The following PAX5 variants were observed in gnomAD, a reference collection of about 807,000 sequenced individuals.
The protein encoded by PAX5 is paired box protein Pax-5.
In PAX5, 9 loss-of-function variants were observed where a neutral mutation model predicts 43.7. The ratio of observed to expected loss-of-function variants is 0.21; its 90% CI spans 0.12 to 0.36. The LOEUF (loss-of-function observed/expected upper bound fraction) is 0.36. Ranked by LOEUF, PAX5 falls within the 10% of genes least tolerant of loss-of-function variation. The probability of loss-of-function intolerance (pLI) is 1.00; values close to 1 mark genes in which losing one functional copy is unlikely to be tolerated. For missense variants in PAX5, 383 were observed against 532.7 expected (o/e 0.72, Z 2.77); for synonymous variants, 228 against 214.3 (o/e 1.06, Z -0.56).
intron 5 of PAX5, among the ~76,000 whole-genome samples, chr9:36,989,834 C>G (rs1178634484): frequency 6.6e-6 from 1 of 152,192 alleles, no homozygotes; most frequent in South Asian, 2.1e-4. Flanking sequence ...GGCCCCCATT[C>G]GGTACATATT....
intron 2 of PAX5, among the ~76,000 whole-genome samples, chr9:37,020,284 T>C (rs953982193): frequency 2.6e-5 from 4 of 152,118 alleles, no homozygotes; most frequent in Non-Finnish European, 5.9e-5. Flanking sequence ...AAATGAAACA[T>C]TGAACTCTGG....
At chr9:36,869,204 C>T (rs553203441) in intron 8 of PAX5, among the ~76,000 whole-genome samples, 15 of 152,224 alleles carry the variant, frequency 9.9e-5, no homozygotes, top group African/African-American at 3.4e-4. Flanking sequence ...CCCAGCAAGC[C>T]GAAGGGAGTC....
chr9:37,015,259 T>G lies in PAX5; in HGVS notation c.213-65A>C. The G allele has an allele frequency of 1.4e-6, 2 of 1,425,624 alleles. No individual in the cohort carries two copies. The highest frequency in any genetic ancestry group is 1.2e-5 in the South Asian group (1 of 86,038). 88.3% of individuals were successfully genotyped at this position (1,425,624 alleles called of 1,614,324 possible). A position where few individuals can be genotyped will look rare whatever the true frequency, so the allele number is the denominator to read the frequency against. ...AGTAAAGTGGATATTGGCAACAAAA[T>G]AACGGGCTACTCTGGCCAGGAAACG... On this transcript the variant is annotated intron_variant, in intron 2 of 9. Transcript: ENST00000358127. This position sits in a 1 kb window ranked among gnomAD's most constrained non-coding sequence, Gnocchi z 4.4.
At chr9:36,922,899 A>T (rs1308225891) in intron 7 of PAX5, 1 of 157,626 alleles carries the variant, frequency 6.3e-6, no homozygotes, top group African/African-American at 2.4e-5. Flanking sequence ...GCTGCTTGGC[A>T]TCCACCATGC....
Position 37,024,602 on chromosome 9 carries a change from G to A in PAX5, c.47-3801C>T, listed in dbSNP as rs191059496. On this transcript the variant is annotated intron_variant, in intron 1 of 9. Coordinates refer to ENST00000358127, the MANE Select transcript of PAX5 (RefSeq NM_016734.3). ...CGAGAGTGCTTCCAGAGAAGCCAAG[G>A]TCTTGCACCTGCTCTGGAAGCTAGA... is the stretch of plus-strand genomic sequence containing the variant. Among the ~76,000 whole-genome samples, 6 of 152,316 alleles carry A rather than the reference G, an allele frequency of 3.9e-5. No homozygotes were observed. The East Asian group carries it at 1.2e-3, about 29-fold the overall frequency.
At chr9:37,019,725 A>G (rs1839698712) in intron 2 of PAX5, among the ~76,000 whole-genome samples, 1 of 152,208 alleles carries the variant, frequency 6.6e-6, no homozygotes, top group South Asian at 2.1e-4. Context: ...AAAGCACTGA[A>G]CAGCTAAACC....
At chr9:36,971,680 T>A (rs1021641379) in intron 5 of PAX5, among the ~76,000 whole-genome samples, 18 of 152,356 alleles carry the variant, frequency 1.2e-4, no homozygotes, top group African/African-American at 4.3e-4. Flanking sequence ...CTGGGCTTAG[T>A]CAACCATGGC....
In PAX5 at chr9:37,034,098, C is replaced by CTTTCTTTTTTTTTTTTTTTTTTTTTTT. The variant is rs1841297179; in HGVS notation, c.-68_-67insAAAAAAAAAAAAAAAAAAAAAAAGAAA. On this transcript the variant is annotated 5_prime_UTR_variant, in exon 1 of 10. Transcript: ENST00000358127. ...TCCACTTTTTTGTGCCTTTTTTTTT[C>CTTTCTTTTTTTTTTTTTTTTTTTTTTT]TTTTTTTTTTTTTTTTTTTTTTTTT... 1.6e-5 allele frequency: 5 copies of CTTTCTTTTTTTTTTTTTTTTTTTTTTT among 320,070 alleles called. No homozygotes were observed. In the African/African-American group the frequency reaches 2.2e-4, roughly 14 times the overall value. The allele number at this position is 320,070 out of a possible 1,614,324, so 19.8% of individuals were successfully genotyped here. A position where few individuals can be genotyped will look rare whatever the true frequency, so the allele number is the denominator to read the frequency against.
chr9:36,904,517 G>A (rs985478121), intron 7 of PAX5, among the ~76,000 whole-genome samples: 2 of 152,054 alleles, frequency 1.3e-5, no homozygotes, highest in Non-Finnish European at 2.9e-5. Flanking sequence ...ATCTCAGGGT[G>A]GGAGTAGAAG....
intron 6 of PAX5, among the ~76,000 whole-genome samples, chr9:36,940,219 T>C (rs2132055153): frequency 6.6e-6 from 1 of 152,338 alleles, no homozygotes; most frequent in Non-Finnish European, 1.5e-5. Context: ...GTTGGGACTC[T>C]GTAATGGCCC....
chr9:37,033,286 C>T (rs1460794378), intron 1 of PAX5, among the ~76,000 whole-genome samples: 4 of 152,210 alleles, frequency 2.6e-5, no homozygotes, highest in African/African-American at 9.6e-5. Context: ...ATGCTAAACA[C>T]CACGGATCTC....
intron 7 of PAX5, among the ~76,000 whole-genome samples, chr9:36,914,842 G>A (rs990557852): frequency 7.9e-5 from 12 of 152,192 alleles, no homozygotes; most frequent in Admixed American, 3.3e-4. Context: ...GTGTGCACAC[G>A]CACATGCATC....
chr9:36,873,617 G>T (rs945782770), intron 8 of PAX5, among the ~76,000 whole-genome samples: 1 of 152,196 alleles, frequency 6.6e-6, no homozygotes, highest in Non-Finnish European at 1.5e-5. Flanking sequence ...AGGGAAGTTA[G>T]TGTTAAGAAC....
At chr9:37,026,082 G>A (rs1416183211) in intron 1 of PAX5, among the ~76,000 whole-genome samples, 1 of 152,214 alleles carries the variant, frequency 6.6e-6, no homozygotes, top group Non-Finnish European at 1.5e-5. Context: ...ACAGACACGG[G>A]TCAGGGCCCC....
chr9:36,923,189 G>T, intron 7 of PAX5, 166 bp downstream of exon 7: 1 of 720,674 alleles, frequency 1.4e-6, no homozygotes, highest in Non-Finnish European at 2.3e-6. Flanking sequence ...TCTCATCACA[G>T]CTGCAACCCT....
chr9:36,922,408 C>T (rs553625779), intron 7 of PAX5, among the ~76,000 whole-genome samples: 1 of 152,336 alleles, frequency 6.6e-6, no homozygotes, highest in African/African-American at 2.4e-5. Flanking sequence ...TGTGCAGTAC[C>T]CGAGCGGGCC....
chr9:36,953,426 C>T (rs1350249809), intron 6 of PAX5, among the ~76,000 whole-genome samples: 4 of 152,050 alleles, frequency 2.6e-5, no homozygotes, highest in African/African-American at 9.7e-5. Flanking sequence ...CTTCTTCATT[C>T]TCTCTTCTCC....
intron 7 of PAX5, among the ~76,000 whole-genome samples, chr9:36,884,239 T>C (rs1826724819): frequency 6.6e-6 from 1 of 152,210 alleles, no homozygotes; most frequent in Admixed American, 6.5e-5. Flanking sequence ...TTAATATACA[T>C]GTAAAAAGTC....
chr9:36,973,050 G>GA (rs752900772), intron 5 of PAX5, among the ~76,000 whole-genome samples: 1 of 133,624 alleles, frequency 7.5e-6, no homozygotes, highest in Non-Finnish European at 1.6e-5. Flanking sequence ...AAGAAAGAAA[G>GA]AAAGAAAAGG....
Sources: allele counts gnomAD v4.1 joint callset (sites outside exome capture counted in the v4.1 genomes callset), GRCh38; gene constraint gnomAD v4.1.1; non-coding constraint Gnocchi (gnomAD v3.1); transcripts MANE v1.5; gene names NCBI Gene and HGNC (gene_info 2026-07-23, HGNC 2026-07-21).